Variants in PLEKHA8 observed in about 807,000 individuals in gnomAD.
The protein encoded by PLEKHA8 is pleckstrin homology domain containing A8.
A neutral mutation model predicts 68.2 loss-of-function variants in PLEKHA8; 36 were observed. The ratio of observed to expected loss-of-function variants is 0.53; its 90% CI spans 0.40 to 0.70. The LOEUF (loss-of-function observed/expected upper bound fraction) is 0.70. Among genes scored for constraint, PLEKHA8 ranks in the 30% least tolerant of loss-of-function variants. The pLI is 0.00. For synonymous variants in PLEKHA8, 211 were observed against 216.1 expected, an observed-to-expected ratio of 0.98 and a Z score of 0.20; for missense variants, 505 against 615.4, an observed-to-expected ratio of 0.82 and a Z score of 1.90.
intron 13 of PLEKHA8, among the ~76,000 whole-genome samples, chr7:30,122,912 ATAG>A (rs1796716947): frequency 6.6e-6 from 1 of 152,184 alleles, no homozygotes; most frequent in South Asian, 2.1e-4. Context: ...GGGACTGGAA[ATAG>A]TAGTTCCTGG....
At chr7:30,067,213 A>G (rs1051555529) in intron 12 of PLEKHA8, among the ~76,000 whole-genome samples, 1 of 152,194 alleles carries the variant, frequency 6.6e-6, no homozygotes, top group African/African-American at 2.4e-5. Flanking sequence ...TTAAAAATAC[A>G]TGCCAAAGCG....
rs1263728348 is a variant in PLEKHA8 at position 30,083,064 on chromosome 7, A to G, written c.*4277A>G. 3 of 981,424 alleles carry G rather than the reference A, an allele frequency of 3.1e-6. No individual in the cohort carries two copies. Among genetic ancestry groups the G allele is most frequent in the African/African-American group, 1.8e-5 (1 of 57,096 alleles). The allele number at this position is 981,424 out of a possible 1,614,324, so 60.8% of individuals were successfully genotyped here. A position where few individuals can be genotyped will look rare whatever the true frequency, so the allele number is the denominator to read the frequency against. On this transcript the variant is annotated 3_prime_UTR_variant, in exon 14 of 14. Transcript: ENST00000449726. ...AATCTATCAACCTTTTTTAAATTTT[A>G]AAATTTTTAGATGTAGAGTTTATAA...
Position 30,083,768 on chromosome 7 carries a change from C to T in PLEKHA8, c.*4981C>T, listed in dbSNP as rs778995483. 9.1e-6 allele frequency: 9 copies of T among 985,044 alleles called. No homozygotes were observed. The highest frequency in any genetic ancestry group is 1.1e-5 in the Non-Finnish European group (9 of 829,660). 61.0% of individuals were successfully genotyped at this position (985,044 alleles called of 1,614,324 possible). On this transcript the variant is annotated 3_prime_UTR_variant, in exon 14 of 14. Coordinates refer to ENST00000449726, the MANE Select transcript of PLEKHA8 (RefSeq NM_001197026.2). ...TATGTGAGAATGTAAGAATAATATC[C>T]TGCTTGTTCTAAATAGTTCATATAT...
rs1369587266 is a variant in PLEKHA8, at chr7:30,122,992, T to G, written c.1363-6274T>G. Among the ~76,000 whole-genome samples the G allele has an allele frequency of 2.6e-5, 4 of 152,146 alleles. 1 individual carries two copies. The highest frequency in any genetic ancestry group is 1.3e-4 in the Admixed American group (2 of 15,278). On this transcript the variant is annotated intron_variant, in intron 13 of 13. Transcript: ENST00000396257. ...TCCTGTCCTTGGGTTCTGTGAGATA[T>G]TCTGGACTTTTATACAAAGGTCTCC...
intron 7 of PLEKHA8, among the ~76,000 whole-genome samples, chr7:30,053,259 C>T (rs938211729): frequency 1.3e-4 from 20 of 152,150 alleles, no homozygotes; most frequent in African/African-American, 4.8e-4. Context: ...CAGAATTCAC[C>T]AGTCACCATG....
chr7:30,043,241 C>T (rs1791679743), intron 1 of PLEKHA8, among the ~76,000 whole-genome samples: 1 of 152,164 alleles, frequency 6.6e-6, no homozygotes, highest in Non-Finnish European at 1.5e-5. Flanking sequence ...AAGTGATCCA[C>T]CCATCTTGGC....
intron 13 of PLEKHA8, among the ~76,000 whole-genome samples, chr7:30,122,712 A>C (rs1299848968): frequency 6.6e-6 from 1 of 152,208 alleles, no homozygotes; most frequent in Admixed American, 6.5e-5. Flanking sequence ...ACAACCTGTT[A>C]ACTGGAATGA....
intron 5 of PLEKHA8, 112 bp from the exon 6 acceptor site, chr7:30,050,322 G>A (rs1402974280): frequency 1.3e-5 from 18 of 1,366,770 alleles, no homozygotes; most frequent in Non-Finnish European, 1.6e-5. Context: ...AGTGGGGCTA[G>A]TGTATTTTAT....
At chr7:30,092,632 TCTC>T (rs1402445635), downstream of PLEKHA8, among the ~76,000 whole-genome samples, 1 of 152,128 alleles carries the variant, frequency 6.6e-6, no homozygotes, top group East Asian at 1.9e-4. Context: ...TCTGCCTTCA[TCTC>T]CTCCCCTTAT....
chr7:30,115,500 A>C (rs1317258812), intron 13 of PLEKHA8, among the ~76,000 whole-genome samples: 2 of 151,814 alleles, frequency 1.3e-5, no homozygotes, highest in Non-Finnish European at 2.9e-5. Context: ...AGACATATGT[A>C]TACATATGTA....
In PLEKHA8 at chr7:30,082,851, C is replaced by T. The variant is rs1261179266; in HGVS notation, c.*4064C>T. On this transcript the variant is annotated 3_prime_UTR_variant, in exon 14 of 14. Transcript: ENST00000449726. The stretch of plus-strand genomic sequence containing the variant: ...GGGTCATGAGCAATAGACGATGATG[C>T]GAGGCATTTGGGGAGCTTCCTGGAG... The T allele has an allele frequency of 2.4e-5, 24 of 985,020 alleles. No homozygotes were observed. In the South Asian group the frequency reaches 3.3e-4, roughly 14 times the overall value. 61.0% of individuals were successfully genotyped at this position (985,020 alleles called of 1,614,324 possible).
chr7:30,090,955 G>C (rs1795391929), downstream of PLEKHA8, among the ~76,000 whole-genome samples: 1 of 152,192 alleles, frequency 6.6e-6, no homozygotes, highest in African/African-American at 2.4e-5. Flanking sequence ...GAGCCAAGGA[G>C]TTTGAGACCA....
intron 13 of PLEKHA8, chr7:30,117,896 G>A (rs2128023275): frequency 3.9e-6 from 4 of 1,030,328 alleles, no homozygotes; most frequent in African/African-American, 1.6e-5. Flanking sequence ...GTAGATTAAA[G>A]ATTGCCAAGA....
chr7:30,029,543 G>A (rs1790492567), intron 1 of PLEKHA8, among the ~76,000 whole-genome samples: 1 of 152,156 alleles, frequency 6.6e-6, no homozygotes, highest in Admixed American at 6.5e-5. Context: ...TTCTACAGCT[G>A]TGAAAATTAT....
At position 30,080,939 on chromosome 7, in the gene PLEKHA8, AGT is replaced by A; in HGVS notation, c.*2156_*2157del. On this transcript the variant is annotated 3_prime_UTR_variant, in exon 14 of 14. Transcript: ENST00000449726. ...TACCAGGTGGTTGTTAGAATTGTGC[AGT>A]GTGATCATTCTAAACAGCTGCTGGT... is the stretch of plus-strand genomic sequence containing the variant. 1.0e-6 allele frequency: 1 copy of A among 985,388 alleles called. No homozygotes were observed. The highest frequency in any genetic ancestry group is 4.7e-5 in the South Asian group (1 of 21,280). 61.0% of individuals were successfully genotyped at this position (985,388 alleles called of 1,614,324 possible).
intron 13 of PLEKHA8, among the ~76,000 whole-genome samples, chr7:30,127,885 T>G (rs1583495362): frequency 6.6e-6 from 1 of 152,354 alleles, no homozygotes; most frequent in East Asian, 1.9e-4. Flanking sequence ...TATAGCATCT[T>G]ACTGGTTCCC....
rs761284017 is a variant in PLEKHA8, at chr7:30,078,830, A to G, written c.*43A>G. On this transcript the variant is annotated 3_prime_UTR_variant, in exon 14 of 14. Coordinates refer to ENST00000449726, the MANE Select transcript of PLEKHA8 (RefSeq NM_001197026.2). ...CTCCTAACTTCAGGGAATAAGTGCT[A>G]AAGTGTTTTGTTGCCCTACTTAATT... The G allele has an allele frequency of 2.5e-5, 39 of 1,591,074 alleles. No homozygotes were observed. The highest frequency in any genetic ancestry group is 3.3e-5 in the Non-Finnish European group (39 of 1,167,812).
rs1174758111 is a variant in PLEKHA8 at position 30,078,469 on chromosome 7, C to T, written c.1363-121C>T. 6 of 1,044,962 alleles carry T rather than the reference C, an allele frequency of 5.7e-6. 1 individual carries two copies. The highest frequency in any genetic ancestry group is 8.5e-6 in the Non-Finnish European group (6 of 703,902). The allele number at this position is 1,044,962 out of a possible 1,614,324, so 64.7% of individuals were successfully genotyped here. A position where few individuals can be genotyped will look rare whatever the true frequency, so the allele number is the denominator to read the frequency against. The stretch of plus-strand genomic sequence containing the variant: ...TTAGAAGGGTAGTCATATTTCTTTA[C>T]TCTTGCTCTTCTCAGCTGTTTGTAT... On this transcript the variant is annotated intron_variant, in intron 13 of 13. Coordinates refer to ENST00000449726, the MANE Select transcript of PLEKHA8 (RefSeq NM_001197026.2).
In PLEKHA8 at chr7:30,039,923, G is replaced by A. The variant is rs79008845; in HGVS notation, c.41-5162G>A. Among the ~76,000 whole-genome samples, 473 of 152,288 alleles carry A rather than the reference G, an allele frequency of 3.1e-3. 3 individuals carry two copies. Among genetic ancestry groups the A allele is most frequent in the African/African-American group, 0.011 (461 of 41,550 alleles). ...AGAACCTTTAGTACAATGTTGACTA[G>A]AAGTGGTAAAAGCAAACATCTTGTC... is the stretch of plus-strand genomic sequence containing the variant. On this transcript the variant is annotated intron_variant, in intron 1 of 13. Transcript: ENST00000449726.
Sources: gnomAD v4.1 joint callset for allele counts (sites outside exome capture counted in the v4.1 genomes callset) on GRCh38, gnomAD v4.1.1 for gene constraint, MANE v1.5 for transcripts, NCBI Gene and HGNC (gene_info 2026-07-23, HGNC 2026-07-21) for gene names.